Variants in TTC29 observed in about 807,000 individuals in gnomAD.
TTC29 encodes tetratricopeptide repeat domain 29.
In TTC29, 49 loss-of-function variants were observed where a neutral mutation model predicts 58.1. That is an observed-to-expected ratio of 0.84 (90% CI 0.67 to 1.07). The LOEUF (loss-of-function observed/expected upper bound fraction) is 1.07. Ranked by LOEUF, TTC29 falls within the 50% of genes least tolerant of loss-of-function variation. The pLI, the probability that TTC29 is intolerant of heterozygous loss-of-function variation, is 0.00. For synonymous variants in TTC29, 209 were observed against 196.8 expected (o/e 1.06, Z -0.52); for missense variants, 582 against 555.6 (o/e 1.05, Z -0.48).
At chr4:146,833,183 A>G (rs925277067) in intron 9 of TTC29, among the ~76,000 whole-genome samples, 2 of 152,088 alleles carry the variant, frequency 1.3e-5, no homozygotes, top group Non-Finnish European at 2.9e-5. Flanking sequence ...TATTGTTATT[A>G]TTTCTTAAGT....
chr4:146,799,651 T>C (rs1750075917), intron 11 of TTC29, among the ~76,000 whole-genome samples: 1 of 152,210 alleles, frequency 6.6e-6, no homozygotes, highest in Admixed American at 6.5e-5. Flanking sequence ...TAATCTACTA[T>C]ATTTCTATAG....
intron 11 of TTC29, among the ~76,000 whole-genome samples, chr4:146,760,456 CA>C (rs1455944556): frequency 2.6e-5 from 4 of 151,642 alleles, no homozygotes; most frequent in African/African-American, 7.3e-5. Context: ...CACATGGTAC[CA>C]AAAAAGAGCC....
At chr4:146,852,839 C>T (rs2150185700) in intron 8 of TTC29, among the ~76,000 whole-genome samples, 1 of 152,274 alleles carries the variant, frequency 6.6e-6, no homozygotes, top group African/African-American at 2.4e-5. Context: ...GACAAAATTA[C>T]TCAGGATTTC....
At chr4:146,841,793 C>T (rs1221572743) in intron 8 of TTC29, among the ~76,000 whole-genome samples, 1 of 152,050 alleles carries the variant, frequency 6.6e-6, no homozygotes, top group Non-Finnish European at 1.5e-5. Flanking sequence ...AGGTGTTCTA[C>T]TGAGCTGACT....
intron 11 of TTC29, among the ~76,000 whole-genome samples, chr4:146,746,891 A>G (rs1002735796): frequency 2.0e-5 from 3 of 152,176 alleles, no homozygotes; most frequent in African/African-American, 4.8e-5. Context: ...AAACAGTTAC[A>G]TTTGACCAAA....
intron 11 of TTC29, among the ~76,000 whole-genome samples, chr4:146,755,851 C>T (rs1223586234): frequency 6.6e-6 from 1 of 152,070 alleles, no homozygotes; most frequent in Non-Finnish European, 1.5e-5. Flanking sequence ...TATTCCAAAA[C>T]TAGTTTATTT....
At chr4:146,907,570 C>T (rs1349247835) in intron 5 of TTC29, among the ~76,000 whole-genome samples, 3 of 152,216 alleles carry the variant, frequency 2.0e-5, no homozygotes, top group Admixed American at 6.5e-5. Context: ...GCAATCTCAG[C>T]TCACTGCAAC....
intron 6 of TTC29, among the ~76,000 whole-genome samples, chr4:146,882,954 G>A: frequency 6.8e-6 from 1 of 147,890 alleles, no homozygotes; most frequent in Non-Finnish European, 1.5e-5. Context: ...CTCTCTCTCT[G>A]TGTGTGTGCA....
At chr4:146,933,445 T>C (rs1735503463) in intron 4 of TTC29, among the ~76,000 whole-genome samples, 1 of 152,244 alleles carries the variant, frequency 6.6e-6, no homozygotes, top group Non-Finnish European at 1.5e-5. Flanking sequence ...GTAATTATGA[T>C]ATGATAATAA....
chr4:146,771,816 A>G (rs1158513728), intron 11 of TTC29, among the ~76,000 whole-genome samples: 9 of 151,732 alleles, frequency 5.9e-5, no homozygotes, highest in Admixed American at 5.9e-4. Flanking sequence ...TCTGTTTTAA[A>G]TTCTTTGCCC....
At chr4:146,814,466 A>G (rs13125828) in intron 10 of TTC29, among the ~76,000 whole-genome samples, 55,516 of 149,574 alleles carry the variant, frequency 0.37, 11,337 homozygotes, top group African/African-American at 0.51. Flanking sequence ...GGTGGCTCAT[A>G]CGTATAATCC....
At chr4:146,778,747 G>A (rs148862674) in intron 11 of TTC29, among the ~76,000 whole-genome samples, 413 of 151,940 alleles carry the variant, frequency 2.7e-3, no homozygotes, top group African/African-American at 8.6e-3. Context: ...AATACCATGC[G>A]TTCTCACTTA....
chr4:146,771,108 T>C (rs1456384397), intron 11 of TTC29, among the ~76,000 whole-genome samples: 2 of 152,060 alleles, frequency 1.3e-5, no homozygotes, highest in Non-Finnish European at 2.9e-5. Flanking sequence ...ATCATAATTT[T>C]TGATACAGTG....
At chr4:146,755,257 T>C (rs958881113) in intron 11 of TTC29, among the ~76,000 whole-genome samples, 4 of 152,132 alleles carry the variant, frequency 2.6e-5, no homozygotes. Context: ...CCTGTCCTCA[T>C]AGATCAGAAG....
chr4:146,830,801 G>A (rs1728107106), intron 9 of TTC29, among the ~76,000 whole-genome samples: 1 of 152,084 alleles, frequency 6.6e-6, no homozygotes, highest in Non-Finnish European at 1.5e-5. Context: ...ATGTATGTGT[G>A]CACATGCATG....
intron 8 of TTC29, among the ~76,000 whole-genome samples, chr4:146,853,129 GT>G (rs1729617076): frequency 6.6e-6 from 1 of 151,946 alleles, no homozygotes; most frequent in Admixed American, 6.6e-5. Context: ...AGATATAATA[GT>G]TTACTTTTTA....
rs1184448433 is a variant in TTC29 at position 146,874,839 on chromosome 4, T to C, written c.676A>G (p.Asn226Asp). The C allele has an allele frequency of 6.2e-7, 1 of 1,613,392 alleles. No individual in the cohort carries two copies. The highest frequency in any genetic ancestry group is 1.3e-5 in the African/African-American group (1 of 75,024). ...AGGAGACTCTCACAGGCCAACAAGT[T>C]GAGAGAGCGGCCTGTCTCATCCTTC... is the stretch of plus-strand genomic sequence containing the variant. ...IWKDETGRSLNLLACESLLRT... is the reference protein window; with the variant it reads ...IWKDETGRSLDLLACESLLRT... Residue 226 changes from asparagine (N) to aspartate (D), a missense_variant, in exon 7 of 13, where the codon AAC becomes GAC. Physicochemically the swap from Asn to Asp is conservative, Grantham distance 23 (BLOSUM62 1). Coordinates refer to ENST00000325106, the MANE Select transcript of TTC29 (RefSeq NM_031956.4).
intron 11 of TTC29, among the ~76,000 whole-genome samples, chr4:146,729,756 G>A (rs923187003): frequency 8.6e-5 from 13 of 151,954 alleles, no homozygotes; most frequent in South Asian, 2.1e-4. Context: ...CTTATATGGC[G>A]GCAGGCAAGA....
intron 6 of TTC29, among the ~76,000 whole-genome samples, chr4:146,900,028 T>C (rs1306832973): frequency 6.6e-6 from 1 of 152,164 alleles, no homozygotes; most frequent in Non-Finnish European, 1.5e-5. Flanking sequence ...AGGGAACCCT[T>C]CAGCCAGGCA....
Sources: allele counts gnomAD v4.1 joint callset (sites outside exome capture counted in the v4.1 genomes callset), GRCh38; gene constraint gnomAD v4.1.1; transcripts MANE v1.5; gene names NCBI Gene and HGNC (gene_info 2026-07-23, HGNC 2026-07-21).